Variants in LYST observed in about 807,000 individuals in gnomAD.
The protein encoded by LYST is lysosomal-trafficking regulator.
Under a neutral mutation model 413.6 loss-of-function variants are expected in LYST, and 192 were observed. The observed-to-expected ratio is 0.46, with a 90% confidence interval of 0.41 to 0.52. The LOEUF (loss-of-function observed/expected upper bound fraction) is 0.52. Ranked by LOEUF, LYST falls within the 20% of genes least tolerant of loss-of-function variation. The pLI is 0.00. For missense variants in LYST, 3,815 were observed against 4,499.9 expected (o/e 0.85, Z 4.35); for synonymous variants, 1,525 against 1,567.3 (o/e 0.97, Z 0.64).
chr1:235,716,699 A>C lies in LYST; in HGVS notation c.9627+13T>G, dbSNP rs1300775378. 1.3e-6 allele frequency: 2 copies of C among 1,548,568 alleles called. No homozygotes were observed. The highest frequency in any genetic ancestry group is 2.7e-5 in the African/African-American group (2 of 73,532). On this transcript the variant is annotated intron_variant, in intron 41 of 52. Transcript: ENST00000389793. ...TTTTCATTTAATAAAGTACGAGTAA[A>C]AACAAAAGCTACCTTGTATGTGTCC...
chr1:235,676,613 G>A (rs1406778627), intron 50 of LYST, among the ~76,000 whole-genome samples: 2 of 152,030 alleles, frequency 1.3e-5, no homozygotes, highest in African/African-American at 2.4e-5. Flanking sequence ...TCCTCTGCTC[G>A]GCTCTCTGGG....
rs747566049 is a variant in LYST, at chr1:235,774,933, C to T, written c.5614G>A (p.Val1872Ile). Residue 1872 changes from valine (V) to isoleucine (I), a missense_variant, in exon 18 of 53, where the codon GTT becomes ATT. By Grantham distance (29) the Val-to-Ile change is conservative. Around this residue, in one of 4 missense-constraint regions of LYST, gnomAD observed 530 missense variants for 696.5 expected, o/e 0.76. Coordinates refer to ENST00000389793, the MANE Select transcript of LYST (RefSeq NM_000081.4). ...CATACCTTCAAAATGTAAAACCCAA[C>T]AATGCATTTTTGTTTGATCAACACC... ...HQVLIKQKCIVGFYILKTLLE... is the reference protein window; with the variant it reads ...HQVLIKQKCIIGFYILKTLLE... 27 of 1,609,246 alleles carry T rather than the reference C, an allele frequency of 1.7e-5. No individual in the cohort carries two copies. The Admixed American group carries it at 2.7e-4, about 16-fold the overall frequency.
intron 45 of LYST, among the ~76,000 whole-genome samples, chr1:235,697,604 G>A (rs564675190): frequency 6.6e-6 from 1 of 152,218 alleles, no homozygotes; most frequent in African/African-American, 2.4e-5. Flanking sequence ...GATACTTACT[G>A]GAGGACTGTA....
chr1:235,765,656 T>C (rs1264863887), intron 21 of LYST, among the ~76,000 whole-genome samples: 2 of 152,186 alleles, frequency 1.3e-5, no homozygotes, highest in East Asian at 1.9e-4. Flanking sequence ...TTTAAAGTCA[T>C]TGTCTTTACC....
chr1:235,806,171 C>T lies in LYST; in HGVS notation c.2965G>A (p.Val989Ile). The change falls in exon 6 of 53, where the codon GTA becomes ATA. Residue 989 changes from valine (V) to isoleucine (I), a missense_variant. By Grantham distance (29) the Val-to-Ile change is conservative (BLOSUM62 3). Transcript: ENST00000389793. ...ATCATAAATATTAACTTATGGCATA[C>T]TCGGAAACCACCAAGCCTATAAAAC... is the stretch of plus-strand genomic sequence containing the variant. ...KQFYRLGGFR[V>I]CHKLIFMIIQ... is the part of the protein sequence containing the mutation. The T allele has an allele frequency of 6.2e-7, 1 of 1,613,834 alleles. No individual in the cohort carries two copies. The highest frequency in any genetic ancestry group is 1.1e-5 in the South Asian group (1 of 91,084).
intron 1 of LYST, among the ~76,000 whole-genome samples, chr1:235,860,394 T>C (rs1015848720): frequency 2.6e-5 from 4 of 152,336 alleles, no homozygotes; most frequent in East Asian, 1.9e-4. Context: ...TCACTCTTGA[T>C]GTGGTATATT....
intron 10 of LYST, among the ~76,000 whole-genome samples, chr1:235,794,510 T>TTA (rs1671353979): frequency 1.3e-5 from 2 of 152,196 alleles, no homozygotes; most frequent in Admixed American, 6.5e-5. Flanking sequence ...TTTACATGCT[T>TTA]TATTTCAGCT....
chr1:235,696,046 A>G (rs774170977), intron 46 of LYST, among the ~76,000 whole-genome samples: 2 of 152,230 alleles, frequency 1.3e-5, no homozygotes, highest in South Asian at 4.1e-4. Context: ...ACTAGTAAGA[A>G]TGAACCATTG....
Position 235,700,457 on chromosome 1 carries a change from A to G in LYST, c.10374+2290T>C, listed in dbSNP as rs188243628. 3.2e-3 allele frequency among the ~76,000 whole-genome samples: 490 copies of G among 152,220 alleles called. 4 individuals carry two copies. The highest frequency in any genetic ancestry group is 2.8e-3 in the Non-Finnish European group (188 of 68,016). On this transcript the variant is annotated intron_variant, in intron 45 of 52. Coordinates refer to ENST00000389793, the MANE Select transcript of LYST (RefSeq NM_000081.4). ...GCCACTTCTCATAGAATATTTAAAG[A>G]GGAGTGCTTTATTGAAATGCTTTTT...
At position 235,777,324 on chromosome 1, in the gene LYST, T is replaced by G. The variant is rs1669376673; in HGVS notation, c.5215-16A>C. 6.2e-7 allele frequency: 1 copy of G among 1,608,908 alleles called. No individual in the cohort carries two copies. Among genetic ancestry groups the G allele is most frequent in the Non-Finnish European group, 8.5e-7 (1 of 1,176,330 alleles). On this transcript the variant is annotated splice_polypyrimidine_tract_variant and intron_variant, in intron 16 of 52. Coordinates refer to ENST00000389793, the MANE Select transcript of LYST (RefSeq NM_000081.4). Reference sequence around the variant, plus strand: ...AAAGACTTTCCTGAAATACAAATATTTTCATTCAGTAATGACAACAAGTTT... The same window carrying G: ...AAAGACTTTCCTGAAATACAAATATGTTCATTCAGTAATGACAACAAGTTT...
Position 235,741,534 on chromosome 1 carries a change from A to G in LYST, c.8246T>C (p.Val2749Ala). The G allele has an allele frequency of 6.2e-7, 1 of 1,613,994 alleles. No homozygotes were observed. The highest frequency in any genetic ancestry group is 8.5e-7 in the Non-Finnish European group (1 of 1,179,868). ...AGCGTGGGCTGGCGACAAAATATGCACTAGTAGTCTCCCAAGCTGCATTCG... is the reference window on the plus strand; with the variant it reads ...AGCGTGGGCTGGCGACAAAATATGCGCTAGTAGTCTCCCAAGCTGCATTCG... ...TFRMQLGRLL[V>A]HILSPAHAAQ... Residue 2749 changes from valine to alanine, a missense_variant, in exon 31 of 53, where the codon GTG becomes GCG. By Grantham distance (64) the Val-to-Ala change is moderately conservative. Coordinates refer to ENST00000389793, the MANE Select transcript of LYST (RefSeq NM_000081.4).
intron 50 of LYST, among the ~76,000 whole-genome samples, chr1:235,665,842 G>A (rs918119600): frequency 1.3e-5 from 2 of 151,956 alleles, no homozygotes; most frequent in Non-Finnish European, 2.9e-5. Flanking sequence ...AAGCATAATT[G>A]CCTGCCATGC....
chr1:235,848,495 A>G (rs565785016), intron 1 of LYST, among the ~76,000 whole-genome samples: 9 of 152,242 alleles, frequency 5.9e-5, no homozygotes, highest in Non-Finnish European at 1.0e-4. Context: ...GCAAACCCAA[A>G]CCCAGCAGAA....
intron 3 of LYST, among the ~76,000 whole-genome samples, chr1:235,818,238 T>C (rs1374810654): frequency 6.6e-6 from 1 of 151,488 alleles, no homozygotes; most frequent in Non-Finnish European, 1.5e-5. Flanking sequence ...GGCTGGAGGG[T>C]GTAGGTTGGA....
At chr1:235,711,345 G>T (rs1484218150) in intron 43 of LYST, among the ~76,000 whole-genome samples, 2 of 152,176 alleles carry the variant, frequency 1.3e-5, no homozygotes, top group Non-Finnish European at 2.9e-5. Context: ...AGGGTGGCAT[G>T]AATCTACTGA....
intron 1 of LYST, among the ~76,000 whole-genome samples, chr1:235,853,433 A>T (rs965520323): frequency 6.6e-6 from 1 of 152,172 alleles, no homozygotes; most frequent in Non-Finnish European, 1.5e-5. Context: ...AGCTAAGTTA[A>T]AGTAGAAAAA....
chr1:235,807,164 T>C (rs1404353514), intron 5 of LYST, among the ~76,000 whole-genome samples: 3 of 152,198 alleles, frequency 2.0e-5, no homozygotes, highest in Admixed American at 2.0e-4. Flanking sequence ...GTTTGTTCAT[T>C]AGTTTGTCCG....
chr1:235,687,513 CA>C (rs1318286314), intron 47 of LYST, among the ~76,000 whole-genome samples: 1 of 152,080 alleles, frequency 6.6e-6, no homozygotes, highest in African/African-American at 2.4e-5. Context: ...GATTGTTAAG[CA>C]GGGGAAGAAA....
intron 12 of LYST, among the ~76,000 whole-genome samples, chr1:235,790,792 T>A (rs1670897972): frequency 6.6e-6 from 1 of 152,212 alleles, no homozygotes; most frequent in Non-Finnish European, 1.5e-5. Flanking sequence ...ATAATAGCAA[T>A]TCTTCAGTTA....
Sources: gnomAD v4.1 joint callset for allele counts (sites outside exome capture counted in the v4.1 genomes callset) on GRCh38, gnomAD v4.1.1 for gene constraint, gnomAD v4.1.1 regional missense constraint, MANE v1.5 for transcripts, NCBI Gene and HGNC (gene_info 2026-07-23, HGNC 2026-07-21) for gene names.